The following HDAC4 variants were observed in gnomAD, a reference collection of about 807,000 sequenced individuals.
The protein encoded by HDAC4 is histone deacetylase 4.
HDAC4 carries 16 observed loss-of-function variants against 135.1 expected under a neutral mutation model. That is an observed-to-expected ratio of 0.12 (90% CI 0.08 to 0.18). HDAC4 has a LOEUF of 0.18. Among genes scored for constraint, HDAC4 ranks in the 10% least tolerant of loss-of-function variants. The pLI, the probability that HDAC4 is intolerant of heterozygous loss-of-function variation, is 1.00. For missense variants in HDAC4, 1,143 were observed against 1,511.8 expected (o/e 0.76, Z 4.05); for synonymous variants, 685 against 653.4 (o/e 1.05, Z -0.74).
chr2:239,360,180 G>T (rs1693768286), intron 1 of HDAC4, among the ~76,000 whole-genome samples: 2 of 152,196 alleles, frequency 1.3e-5, no homozygotes, highest in South Asian at 4.1e-4. Context: ...CCTTGACCAG[G>T]GAAGCCAGGA....
In HDAC4 at chr2:239,352,576, C is replaced by CAA. The variant is rs1249805513; in HGVS notation, c.22+100_22+101dup. ...CAACAGTGACCACTATCAAGAAAAA[C>CAA]AAAAGTCTCAAATCCAGAAAGCAAG... On this transcript the variant is annotated intron_variant, in intron 2 of 26. Coordinates refer to ENST00000543185, the MANE Select transcript of HDAC4 (RefSeq NM_001378414.1). This position sits in a 1 kb window ranked among gnomAD's most constrained non-coding sequence, Gnocchi z 4.4. 12 of 1,177,268 alleles carry CAA rather than the reference C, an allele frequency of 1.0e-5. No individual in the cohort carries two copies. In the East Asian group the frequency reaches 2.0e-4, roughly 20 times the overall value. 72.9% of individuals were successfully genotyped at this position (1,177,268 alleles called of 1,614,324 possible).
chr2:239,119,774 T>C (rs964776874), intron 12 of HDAC4, among the ~76,000 whole-genome samples: 21 of 152,142 alleles, frequency 1.4e-4, no homozygotes, highest in Admixed American at 9.8e-4. Flanking sequence ...TGCGGGTCTC[T>C]CCGAGGGGTG....
intron 2 of HDAC4, among the ~76,000 whole-genome samples, chr2:239,292,357 G>C (rs1437115401): frequency 6.6e-6 from 1 of 152,212 alleles, no homozygotes; most frequent in Admixed American, 6.5e-5. Context: ...CCCCTTTCTA[G>C]CACTGGCTGT....
In HDAC4 at chr2:239,352,977, AAAC is replaced by A; in HGVS notation, c.-219-62_-219-60del. On this transcript the variant is annotated intron_variant, in intron 1 of 26. Transcript: ENST00000543185. The surrounding 1 kb of genome is among the most constrained non-coding windows in gnomAD (Gnocchi z 4.4). ...TACAACATGGAAGTTCCGATCTGGA[AAAC>A]AACATCCAACTAGGGAAATGATGAC... 2.1e-6 allele frequency: 1 copy of A among 481,488 alleles called. No individual in the cohort carries two copies. The highest frequency in any genetic ancestry group is 3.8e-6 in the Non-Finnish European group (1 of 264,544). 29.8% of individuals were successfully genotyped at this position (481,488 alleles called of 1,614,324 possible). A position where few individuals can be genotyped will look rare whatever the true frequency, so the allele number is the denominator to read the frequency against.
At chr2:239,055,033 T>A (rs1330171931) in intron 24 of HDAC4, among the ~76,000 whole-genome samples, 200 bp from the exon 25 acceptor site, 1 of 152,134 alleles carries the variant, frequency 6.6e-6, no homozygotes, top group Admixed American at 6.5e-5. Context: ...GATTTTTTTT[T>A]AGGACGCTAT....
intron 17 of HDAC4, among the ~76,000 whole-genome samples, chr2:239,093,071 G>A (rs1559411811): frequency 6.6e-6 from 1 of 152,178 alleles, no homozygotes; most frequent in East Asian, 1.9e-4. Flanking sequence ...GCGTACGAGA[G>A]CAGGCCAGGA....
At chr2:239,184,566 C>T (rs1256033022) in intron 4 of HDAC4, among the ~76,000 whole-genome samples, 4 of 126,418 alleles carry the variant, frequency 3.2e-5, no homozygotes, top group African/African-American at 9.5e-5. Context: ...AGTGTCTGTC[C>T]TGGAGGCTGT....
intron 3 of HDAC4, among the ~76,000 whole-genome samples, chr2:239,225,520 G>T (rs531761540): frequency 7.2e-5 from 11 of 152,230 alleles, no homozygotes; most frequent in African/African-American, 2.4e-4. Context: ...CCCACCCCAG[G>T]GGGGGATGAG....
chr2:239,247,160 C>T (rs7570805), intron 2 of HDAC4, among the ~76,000 whole-genome samples: 22,804 of 152,274 alleles, frequency 0.15, 2,408 homozygotes, highest in East Asian at 0.38. Context: ...CGCGCTCCCT[C>T]GCTGCCGGGC....
At chr2:239,334,800 A>T (rs1313225134) in intron 2 of HDAC4, among the ~76,000 whole-genome samples, 1 of 152,246 alleles carries the variant, frequency 6.6e-6, no homozygotes, top group African/African-American at 2.4e-5. Context: ...AGGCAGGTGG[A>T]TCACAAGGTC....
chr2:239,133,655 C>T (rs575482540), intron 11 of HDAC4, among the ~76,000 whole-genome samples: 22 of 152,144 alleles, frequency 1.4e-4, no homozygotes, highest in African/African-American at 2.4e-4. Context: ...TTAGTAGAGA[C>T]GGGGTTTCAC....
chr2:239,089,399 C>T (rs1227049374), intron 18 of HDAC4, among the ~76,000 whole-genome samples: 6 of 152,164 alleles, frequency 3.9e-5, no homozygotes, highest in African/African-American at 1.4e-4. Context: ...CGTGACTCGG[C>T]TCGCCGCAAC....
At chr2:239,101,925 T>G (rs1237305252) in intron 16 of HDAC4, among the ~76,000 whole-genome samples, 102 of 78,088 alleles carry the variant, frequency 1.3e-3, no homozygotes, top group Middle Eastern at 0.013. Context: ...CCCGGGTCTG[T>G]GTTCTGTGCC....
At position 239,134,242 on chromosome 2, in the gene HDAC4, C is replaced by T. The variant is rs1331472687; in HGVS notation, c.1294+3G>A. 3 of 1,609,150 alleles carry T rather than the reference C, an allele frequency of 1.9e-6. No homozygotes were observed. The highest frequency in any genetic ancestry group is 2.5e-6 in the Non-Finnish European group (3 of 1,179,576). ...GGCTGCACCCAGGCCCATTTGTGCT[C>T]ACCTGTGACGAGGGGTGCTTGTGCC... On this transcript the variant is annotated splice_donor_region_variant and intron_variant, in intron 11 of 26. Coordinates refer to ENST00000543185, the MANE Select transcript of HDAC4 (RefSeq NM_001378414.1).
chr2:239,284,412 C>T (rs371530747), intron 2 of HDAC4, among the ~76,000 whole-genome samples: 13 of 152,182 alleles, frequency 8.5e-5, no homozygotes, highest in South Asian at 2.1e-4. Flanking sequence ...TGCTCCATCA[C>T]GGGGACCCTC....
intron 24 of HDAC4, 61 bp from the exon 25 acceptor site, chr2:239,054,894 G>C: frequency 1.8e-6 from 2 of 1,120,546 alleles, no homozygotes; most frequent in South Asian, 2.5e-5. Context: ...GCGTTAGACG[G>C]GTGTTCCGAG....
intron 1 of HDAC4, among the ~76,000 whole-genome samples, chr2:239,383,273 G>A (rs1299694327): frequency 6.6e-6 from 1 of 152,182 alleles, no homozygotes; most frequent in East Asian, 1.9e-4. Flanking sequence ...GGAGGCCCTG[G>A]CACTGCTCTG....
Position 239,228,492 on chromosome 2 carries a change from T to C in HDAC4, c.94+8101A>G, listed in dbSNP as rs2047369809. Among the ~76,000 whole-genome samples the C allele has an allele frequency of 2.0e-5, 3 of 152,136 alleles. No individual in the cohort carries two copies. The South Asian group carries it at 6.2e-4, about 32-fold the overall frequency. ...AGGTGGTGTTCTTGGCCCCGCAGTG[T>C]TTCCAGAGAAACCTGATGTTACTGC... On this transcript the variant is annotated intron_variant, in intron 3 of 26. Coordinates refer to ENST00000543185, the MANE Select transcript of HDAC4 (RefSeq NM_001378414.1).
chr2:239,346,613 C>T (rs1575727448), intron 2 of HDAC4, among the ~76,000 whole-genome samples: 1 of 144,582 alleles, frequency 6.9e-6, no homozygotes, highest in Admixed American at 6.9e-5. Context: ...AACACACATA[C>T]ACACCTTAAC....
Sources: gnomAD v4.1 joint callset for allele counts (sites outside exome capture counted in the v4.1 genomes callset) on GRCh38, gnomAD v4.1.1 for gene constraint, Gnocchi (gnomAD v3.1) non-coding constraint, MANE v1.5 for transcripts, NCBI Gene and HGNC (gene_info 2026-07-23, HGNC 2026-07-21) for gene names.